CERS6: variants seen among roughly 807,000 people sequenced by gnomAD.
The protein encoded by CERS6 is ceramide synthase 6.
CERS6 carries 26 observed loss-of-function variants against 56.8 expected under a neutral mutation model. The observed-to-expected ratio is 0.46, with a 90% CI of 0.34 to 0.63. CERS6 has a LOEUF of 0.63. Ranked by LOEUF, CERS6 falls within the 30% of genes least tolerant of loss-of-function variation. The probability of loss-of-function intolerance (pLI) is 0.01; values close to 1 mark genes in which losing one functional copy is unlikely to be tolerated. For synonymous variants in CERS6, 164 were observed against 173.3 expected, an observed-to-expected ratio of 0.95 and a Z score of 0.42; for missense variants, 415 against 467.5, an observed-to-expected ratio of 0.89 and a Z score of 1.04.
At chr2:168,677,018 AT>A (rs1170404222) in intron 4 of CERS6, among the ~76,000 whole-genome samples, 147 of 93,038 alleles carry the variant, frequency 1.6e-3, no homozygotes, top group South Asian at 7.8e-3. Flanking sequence ...TTTTTTGGAG[AT>A]TTTTTTTTTT....
At chr2:168,655,896 G>A (rs1394974322) in intron 4 of CERS6, among the ~76,000 whole-genome samples, 1 of 152,186 alleles carries the variant, frequency 6.6e-6, no homozygotes, top group East Asian at 1.9e-4. Context: ...GAAACTGTGT[G>A]AGATGATAAA....
intron 1 of CERS6, among the ~76,000 whole-genome samples, chr2:168,477,173 CAGAGAGAG>C (rs10609883): frequency 0.045 from 5,242 of 115,450 alleles, 254 homozygotes; most frequent in African/African-American, 0.14. Flanking sequence ...GAGGGAGAGA[CAGAGAGAG>C]AGAGAGAGAG....
intron 3 of CERS6, among the ~76,000 whole-genome samples, chr2:168,568,171 A>G (rs1695917594): frequency 1.3e-5 from 2 of 152,226 alleles, no homozygotes; most frequent in South Asian, 4.1e-4. Context: ...CACATTAGCT[A>G]CTGCTGTGGT....
chr2:168,494,527 A>T (rs1694429272), intron 1 of CERS6, among the ~76,000 whole-genome samples: 1 of 152,188 alleles, frequency 6.6e-6, no homozygotes, highest in Non-Finnish European at 1.5e-5. Context: ...AATAAATAAC[A>T]GTTTCTCAAT....
intron 4 of CERS6, among the ~76,000 whole-genome samples, chr2:168,654,992 G>A (rs1272940370): frequency 6.6e-6 from 1 of 152,250 alleles, no homozygotes; most frequent in East Asian, 1.9e-4. Context: ...GTACAGTCAT[G>A]CACAAAAGCC....
chr2:168,684,952 G>A (rs1483863175), intron 4 of CERS6, among the ~76,000 whole-genome samples: 1 of 152,088 alleles, frequency 6.6e-6, no homozygotes, highest in African/African-American at 2.4e-5. Context: ...GTAAGCAAAA[G>A]GCATAAGGTT....
At chr2:168,675,016 G>A (rs1027359303) in intron 4 of CERS6, among the ~76,000 whole-genome samples, 2 of 151,592 alleles carry the variant, frequency 1.3e-5, no homozygotes, top group Admixed American at 6.6e-5. Context: ...TTGCTGTGTC[G>A]CCAGGCTGGA....
At chr2:168,695,209 T>G (rs1559055692) in intron 6 of CERS6, among the ~76,000 whole-genome samples, 158 bp downstream of exon 6, 1 of 152,174 alleles carries the variant, frequency 6.6e-6, no homozygotes, top group East Asian at 1.9e-4. Flanking sequence ...TATTTTTGTT[T>G]GTGCTGTTTT....
chr2:168,506,730 G>T (rs1013195121), intron 1 of CERS6, among the ~76,000 whole-genome samples: 6 of 152,140 alleles, frequency 3.9e-5, no homozygotes, highest in African/African-American at 1.2e-4. Flanking sequence ...TAGAGATGTA[G>T]TAACTTTCAC....
chr2:168,461,606 A>G (rs751776087), intron 1 of CERS6, among the ~76,000 whole-genome samples: 1 of 152,224 alleles, frequency 6.6e-6, no homozygotes, highest in Non-Finnish European at 1.5e-5. Flanking sequence ...CTCATCTAGT[A>G]AAATAAAAAG....
chr2:168,494,611 A>G (rs959812867), intron 1 of CERS6, among the ~76,000 whole-genome samples: 3 of 152,212 alleles, frequency 2.0e-5, no homozygotes, highest in Admixed American at 1.3e-4. Context: ...CTGGCCCCCT[A>G]TCGACTTCAC....
intron 3 of CERS6, among the ~76,000 whole-genome samples, chr2:168,584,299 A>T (rs1253513431): frequency 6.6e-6 from 1 of 152,166 alleles, no homozygotes; most frequent in Non-Finnish European, 1.5e-5. Context: ...CTCAATTCCC[A>T]TGTTTTTGCT....
intron 4 of CERS6, among the ~76,000 whole-genome samples, chr2:168,647,764 A>G (rs1211533543): frequency 6.6e-6 from 1 of 152,222 alleles, no homozygotes; most frequent in African/African-American, 2.4e-5. Context: ...ATCTGTTTAC[A>G]TAATCATGTT....
Position 168,547,787 on chromosome 2 carries a change from G to A in CERS6, c.276+86G>A, listed in dbSNP as rs1203122709. On this transcript the variant is annotated intron_variant, in intron 2 of 9. Transcript: ENST00000305747. Reference sequence around the variant, plus strand: ...ATTCAATTTGTCCCCTTCTGGGTTTGGAGAATCAACTTTTGCCTAGCCTTA... The same window carrying A: ...ATTCAATTTGTCCCCTTCTGGGTTTAGAGAATCAACTTTTGCCTAGCCTTA... 8 of 955,152 alleles carry A rather than the reference G, an allele frequency of 8.4e-6. No homozygotes were observed. The East Asian group carries it at 1.7e-4, about 21-fold the overall frequency. The allele number at this position is 955,152 out of a possible 1,614,324, so 59.2% of individuals were successfully genotyped here. A position where few individuals can be genotyped will look rare whatever the true frequency, so the allele number is the denominator to read the frequency against.
intron 3 of CERS6, among the ~76,000 whole-genome samples, chr2:168,602,427 C>G (rs1261440622): frequency 6.6e-6 from 1 of 152,174 alleles, no homozygotes; most frequent in African/African-American, 2.4e-5. Flanking sequence ...TAGCTTTAAT[C>G]CAAGTCTTTA....
chr2:168,529,060 A>G (rs1695120698), intron 1 of CERS6, among the ~76,000 whole-genome samples: 1 of 152,124 alleles, frequency 6.6e-6, no homozygotes, highest in Non-Finnish European at 1.5e-5. Context: ...CATGAGGGCC[A>G]CTCTGTCATG....
intron 1 of CERS6, among the ~76,000 whole-genome samples, chr2:168,469,584 G>A (rs1408817476): frequency 2.0e-5 from 3 of 152,176 alleles, no homozygotes; most frequent in Non-Finnish European, 4.4e-5. Flanking sequence ...GTGGTGTCCT[G>A]AAGTGGGGAA....
intron 1 of CERS6, among the ~76,000 whole-genome samples, chr2:168,495,245 G>A (rs1408969045): frequency 6.6e-6 from 1 of 152,182 alleles, no homozygotes; most frequent in Non-Finnish European, 1.5e-5. Flanking sequence ...GATGGAAGCG[G>A]TGAGGAGTAT....
chr2:168,466,272 C>T (rs1693872580), intron 1 of CERS6, among the ~76,000 whole-genome samples: 1 of 152,144 alleles, frequency 6.6e-6, no homozygotes, highest in South Asian at 2.1e-4. Context: ...TGTAGAAAAG[C>T]ACATTGCATA....
Sources: allele counts gnomAD v4.1 joint callset (sites outside exome capture counted in the v4.1 genomes callset), GRCh38; gene constraint gnomAD v4.1.1; transcripts MANE v1.5; gene names NCBI Gene and HGNC (gene_info 2026-07-23, HGNC 2026-07-21).